Variants in SUPT5H observed in about 807,000 individuals in gnomAD.
SUPT5H encodes the protein transcription elongation factor SPT5.
A neutral mutation model predicts 142.5 loss-of-function variants in SUPT5H; 24 were observed. The observed-to-expected ratio is 0.17, with a 90% CI of 0.12 to 0.24. The LOEUF (loss-of-function observed/expected upper bound fraction) is 0.24, where lower values mean the gene tolerates loss of function less well. SUPT5H is among the 10% of genes least tolerant of loss of function. The pLI, the probability that SUPT5H is intolerant of heterozygous loss-of-function variation, is 1.00. For missense variants in SUPT5H, 893 were observed against 1,471.8 expected (o/e 0.61, Z 6.43); for synonymous variants, 546 against 553.0 (o/e 0.99, Z 0.18).
rs766207097 is a variant in SUPT5H at position 39,469,288 on chromosome 19, C to G, written c.1264C>G (p.Pro422Ala). The G allele has an allele frequency of 2.5e-6, 4 of 1,614,192 alleles. No homozygotes were observed. The highest frequency in any genetic ancestry group is 3.4e-6 in the Non-Finnish European group (4 of 1,180,014). ...TGKEREHNFQ[P>A]GDNVEVCEGE... ...GAAGGAGCGGGAGCACAACTTCCAA[C>G]CTGGGGACAACGTGGAGGTCTGTGA... Residue 422 changes from proline (P) to alanine (A), a missense_variant, in exon 16 of 30, where the codon CCT becomes GCT. By Grantham distance (27) the Pro-to-Ala change is conservative (BLOSUM62 -1). Around this residue, in one of 6 missense-constraint regions of SUPT5H, gnomAD observed 428 missense variants for 763.5 expected, o/e 0.56. Transcript: ENST00000432763. The surrounding 1 kb of genome is among the most constrained non-coding windows in gnomAD (Gnocchi z 5.1).
At chr19:39,459,330 G>A in intron 8 of SUPT5H, 81 bp downstream of exon 8, 1 of 1,512,292 alleles carries the variant, frequency 6.6e-7, no homozygotes, top group Non-Finnish European at 9.0e-7. Context: ...GTGGCTCCCT[G>A]AAATAAGTCA....
chr19:39,459,008 C>T lies in SUPT5H; in HGVS notation c.393C>T (p.Asp131=). ...GARRLQNLWR[D]QREEELGEYY... is the part of the protein sequence containing the mutation. Reference sequence around the variant, plus strand: ...TGCTTCCCCACTCGTGCTCCAGGGACCAGCGAGAAGAAGAACTGGGCGAGT... The same window carrying T: ...TGCTTCCCCACTCGTGCTCCAGGGATCAGCGAGAAGAAGAACTGGGCGAGT... Residue 131 remains aspartate, a synonymous_variant, in exon 7 of 30, where the codon GAC becomes GAT. Transcript: ENST00000432763. The T allele has an allele frequency of 6.2e-7, 1 of 1,614,030 alleles. No homozygotes were observed. The highest frequency in any genetic ancestry group is 8.5e-7 in the Non-Finnish European group (1 of 1,180,002).
intron 10 of SUPT5H, among the ~76,000 whole-genome samples, chr19:39,460,408 C>T (rs986315340): frequency 4.6e-5 from 7 of 152,230 alleles, no homozygotes; most frequent in African/African-American, 1.4e-4. Flanking sequence ...CTTCCCCTCT[C>T]TGGGCCCCTT....
At chr19:39,459,698 G>A (rs2079136666) in intron 9 of SUPT5H, 109 bp downstream of exon 9, 2 of 1,446,100 alleles carry the variant, frequency 1.4e-6, no homozygotes, top group Admixed American at 3.4e-5. Context: ...CCAGTCACTT[G>A]GTCCTTCTGT....
chr19:39,460,033 G>C, intron 10 of SUPT5H, 73 bp downstream of exon 10: 2 of 1,518,314 alleles, frequency 1.3e-6, no homozygotes, highest in Non-Finnish European at 9.1e-7. Flanking sequence ...GTCAACTTCA[G>C]GGGTACCAGG....
chr19:39,458,954 C>T lies in SUPT5H; in HGVS notation c.390-51C>T, dbSNP rs749280144. On this transcript the variant is annotated intron_variant, in intron 6 of 29. Transcript: ENST00000432763. The surrounding 1 kb of genome is among the most constrained non-coding windows in gnomAD (Gnocchi z 4.2). The stretch of plus-strand genomic sequence containing the variant: ...GGAGATTTGGGAGTAGGTCAGCCCA[C>T]CTGCTGTCCTCAACCTTCAATTCGT... The T allele has an allele frequency of 1.5e-5, 25 of 1,613,452 alleles. No homozygotes were observed. The African/African-American group carries it at 2.4e-4, about 16-fold the overall frequency.
Position 39,466,832 on chromosome 19 carries a change from C to A in SUPT5H, c.1037+87C>A. 1 of 1,337,476 alleles carries A rather than the reference C, an allele frequency of 7.5e-7. No homozygotes were observed. Among genetic ancestry groups the A allele is most frequent in the Non-Finnish European group, 1.1e-6 (1 of 930,886 alleles). 82.9% of individuals were successfully genotyped at this position (1,337,476 alleles called of 1,614,324 possible). ...TTGCAGGTTCCTCCCCAGGGGTGGC[C>A]CCGCCACAGGTTTAGCCTGTGAATT... On this transcript the variant is annotated intron_variant, in intron 13 of 29. Coordinates refer to ENST00000432763, the MANE Select transcript of SUPT5H (RefSeq NM_001111020.3). The surrounding 1 kb of genome is among the most constrained non-coding windows in gnomAD (Gnocchi z 4.3).
At chr19:39,463,560 A>G (rs2079194077) in intron 10 of SUPT5H, among the ~76,000 whole-genome samples, 1 of 152,174 alleles carries the variant, frequency 6.6e-6, no homozygotes, top group African/African-American at 2.4e-5. Flanking sequence ...TGCCCTTGAG[A>G]AGAAAGTGCA....
Position 39,476,470 on chromosome 19 carries a change from C to T in SUPT5H, c.*71C>T. The T allele has an allele frequency of 6.3e-7, 1 of 1,579,254 alleles. No individual in the cohort carries two copies. Among genetic ancestry groups the T allele is most frequent in the South Asian group, 1.1e-5 (1 of 90,058 alleles). ...TTCCTTCCCTGGCCCTTGGCTGTGACACAAGATCCTCCTGCAGGGCTAGGC... is the reference window on the plus strand; with the variant it reads ...TTCCTTCCCTGGCCCTTGGCTGTGATACAAGATCCTCCTGCAGGGCTAGGC... On this transcript the variant is annotated 3_prime_UTR_variant, in exon 30 of 30. Transcript: ENST00000432763.
chr19:39,463,396 G>A (rs2079192080), intron 10 of SUPT5H, among the ~76,000 whole-genome samples: 1 of 152,052 alleles, frequency 6.6e-6, no homozygotes, highest in Non-Finnish European at 1.5e-5. Context: ...GGAGTGTGTT[G>A]CCATGTATTT....
chr19:39,452,182 AG>A (rs1256187738), intron 2 of SUPT5H, among the ~76,000 whole-genome samples: 7 of 152,198 alleles, frequency 4.6e-5, no homozygotes, highest in Non-Finnish European at 8.8e-5. Context: ...CACTGAGGTC[AG>A]TTTGGGACAC....
intron 3 of SUPT5H, among the ~76,000 whole-genome samples, chr19:39,456,422 G>T (rs1209210764): frequency 5.2e-4 from 58 of 110,910 alleles, no homozygotes; most frequent in African/African-American, 1.0e-3. Flanking sequence ...TGTTGTTGTT[G>T]TTGTTGTTGT....
chr19:39,476,056 T>C, intron 28 of SUPT5H, 25 bp from the exon 29 acceptor site: 1 of 1,610,010 alleles, frequency 6.2e-7, no homozygotes. Context: ...CAGGACAGGC[T>C]GACCAGGCTG....
Position 39,472,257 on chromosome 19 carries a change from G to C in SUPT5H, c.1951-152G>C. 1.4e-6 allele frequency: 1 copy of C among 695,806 alleles called. No homozygotes were observed. The highest frequency in any genetic ancestry group is 2.5e-6 in the Non-Finnish European group (1 of 400,452). The allele number at this position is 695,806 out of a possible 1,614,324, so 43.1% of individuals were successfully genotyped here. On this transcript the variant is annotated intron_variant, in intron 20 of 29. Coordinates refer to ENST00000432763, the MANE Select transcript of SUPT5H (RefSeq NM_001111020.3). This position sits in a 1 kb window ranked among gnomAD's most constrained non-coding sequence, Gnocchi z 4.2. ...GCCCTGAGGTGGGGCTTGTAGGAAA[G>C]TGTGCAGGACCAGCTGTCACAGAGG...
At chr19:39,461,763 G>A (rs1344150129) in intron 10 of SUPT5H, among the ~76,000 whole-genome samples, 2 of 149,518 alleles carry the variant, frequency 1.3e-5, no homozygotes, top group Non-Finnish European at 3.0e-5. Context: ...GTTGGAGGTT[G>A]TAGTGAGCCA....
chr19:39,461,157 G>T (rs1387187937), intron 10 of SUPT5H, among the ~76,000 whole-genome samples: 1 of 152,078 alleles, frequency 6.6e-6, no homozygotes. Context: ...GGGCATGGTG[G>T]TGCTTGACTG....
At chr19:39,461,835 AAAAAAT>A (rs957697460) in intron 10 of SUPT5H, among the ~76,000 whole-genome samples, 1 of 145,472 alleles carries the variant, frequency 6.9e-6, no homozygotes, top group African/African-American at 2.6e-5. Flanking sequence ...AAAAAAAAAA[AAAAAAT>A]AATAATAATA....
In SUPT5H at chr19:39,466,634, C is replaced by G. The variant is rs755276765; in HGVS notation, c.967-41C>G. On this transcript the variant is annotated intron_variant, in intron 12 of 29. Transcript: ENST00000432763. This position sits in a 1 kb window ranked among gnomAD's most constrained non-coding sequence, Gnocchi z 4.3. ...GCTCGATCCCACTGGTGGCCAAGCC[C>G]CCTCCCTCACCCTTCCCACCCATGC... 11 of 1,613,526 alleles carry G rather than the reference C, an allele frequency of 6.8e-6. No individual in the cohort carries two copies. The highest frequency in any genetic ancestry group is 8.5e-6 in the Non-Finnish European group (10 of 1,179,456).
At position 39,470,417 on chromosome 19, in the gene SUPT5H, C is replaced by T. The variant is rs935601758; in HGVS notation, c.1571C>T (p.Thr524Ile). 1 of 1,604,330 alleles carries T rather than the reference C, an allele frequency of 6.2e-7. No homozygotes were observed. Residue 524 changes from threonine (T) to isoleucine (I), a missense_variant, in exon 18 of 30, where the codon ACA becomes ATA. Physicochemically the swap from Thr to Ile is moderately conservative, Grantham distance 89. Transcript: ENST00000432763. The surrounding 1 kb of genome is among the most constrained non-coding windows in gnomAD (Gnocchi z 5.8). ...LPRDLQLCSETASGVDVGGQH... is the reference protein window; with the variant it reads ...LPRDLQLCSEIASGVDVGGQH... ...CGGGACCTGCAGCTCTGCTCAGAGA[C>T]AGCATCAGGTGTGGATGTTGGGGGC...
Sources: gnomAD v4.1 joint callset for allele counts (sites outside exome capture counted in the v4.1 genomes callset) on GRCh38, gnomAD v4.1.1 for gene constraint, gnomAD v4.1.1 regional missense constraint, Gnocchi (gnomAD v3.1) non-coding constraint, MANE v1.5 for transcripts, NCBI Gene and HGNC (gene_info 2026-07-23, HGNC 2026-07-21) for gene names.